TMCC1: variants seen among roughly 807,000 people sequenced by gnomAD.
TMCC1 encodes transmembrane and coiled-coil domains protein 1.
In TMCC1, 15 loss-of-function variants were observed where a neutral mutation model predicts 52.4. The ratio of observed to expected loss-of-function variants is 0.29; its 90% CI spans 0.19 to 0.44. The LOEUF (loss-of-function observed/expected upper bound fraction) is 0.44. Among genes scored for constraint, TMCC1 ranks in the 20% least tolerant of loss-of-function variants. The pLI is 1.00. For missense variants in TMCC1, 503 were observed against 806.0 expected, an observed-to-expected ratio of 0.62 and a Z score of 4.55; for synonymous variants, 279 against 301.9, an observed-to-expected ratio of 0.92 and a Z score of 0.79.
At chr3:129,674,121 G>A (rs1312350051) in intron 4 of TMCC1, among the ~76,000 whole-genome samples, 1 of 152,180 alleles carries the variant, frequency 6.6e-6, no homozygotes, top group Non-Finnish European at 1.5e-5. Context: ...AGCACACTCA[G>A]CGATGTTTGC....
At chr3:129,848,296 G>A (rs1454264878) in intron 2 of TMCC1, 1 of 152,140 alleles carries the variant, frequency 6.6e-6, no homozygotes, top group East Asian at 1.9e-4. Context: ...GGAGTTGCAT[G>A]GTTTTAGCTC....
intron 2 of TMCC1, among the ~76,000 whole-genome samples, chr3:129,854,489 A>T (rs190624283): frequency 9.9e-4 from 151 of 152,252 alleles, no homozygotes; most frequent in African/African-American, 3.4e-3. Flanking sequence ...GAAAAACGGC[A>T]AAAACTTCTT....
intron 4 of TMCC1, among the ~76,000 whole-genome samples, chr3:129,776,266 C>A (rs187247894): frequency 9.9e-4 from 151 of 152,310 alleles, no homozygotes; most frequent in African/African-American, 3.4e-3. Flanking sequence ...TCTTGTTTAT[C>A]TTTTTCACTG....
intron 5 of TMCC1, 31 bp from the exon 6 acceptor site, chr3:129,655,134 T>C: frequency 1.2e-6 from 2 of 1,602,274 alleles, no homozygotes; most frequent in Non-Finnish European, 1.7e-6. Context: ...TAGAATTTTA[T>C]GAATTCTGTG....
At chr3:129,661,725 C>A (rs1438556676) in intron 5 of TMCC1, among the ~76,000 whole-genome samples, 12 of 152,040 alleles carry the variant, frequency 7.9e-5, no homozygotes, top group Non-Finnish European at 1.5e-4. Context: ...ACTGCTTCAG[C>A]ATGGAAGGCA....
intron 2 of TMCC1, among the ~76,000 whole-genome samples, chr3:129,849,513 C>T (rs536152164): frequency 6.7e-6 from 1 of 148,762 alleles, no homozygotes; most frequent in Non-Finnish European, 1.5e-5. Flanking sequence ...GCCTGTAACC[C>T]CAGCACTTCG....
chr3:129,823,259 G>A (rs966478157), intron 4 of TMCC1, among the ~76,000 whole-genome samples: 1 of 152,108 alleles, frequency 6.6e-6, no homozygotes, highest in Non-Finnish European at 1.5e-5. Flanking sequence ...CCAGGAGGTG[G>A]AGGTTGAAGT....
intron 4 of TMCC1, among the ~76,000 whole-genome samples, chr3:129,703,861 C>G (rs1349944183): frequency 2.0e-5 from 3 of 152,164 alleles, no homozygotes. Context: ...TTGCTATTAA[C>G]TTGCCTTTCA....
intron 4 of TMCC1, among the ~76,000 whole-genome samples, chr3:129,697,282 A>G (rs2047482738): frequency 6.6e-6 from 1 of 152,166 alleles, no homozygotes; most frequent in Admixed American, 6.5e-5. Flanking sequence ...TCAACACCAC[A>G]TGGAAGCTAC....
At chr3:129,754,339 T>C (rs2052798381) in intron 4 of TMCC1, among the ~76,000 whole-genome samples, 1 of 152,210 alleles carries the variant, frequency 6.6e-6, no homozygotes, top group African/African-American at 2.4e-5. Flanking sequence ...ATCAAAATGC[T>C]AGCCAGGTCT....
At chr3:129,713,003 AGTAATCCCAGCACTTTGGGGTGCCAAG>A (rs2048816496) in intron 4 of TMCC1, among the ~76,000 whole-genome samples, 1 of 152,136 alleles carries the variant, frequency 6.6e-6, no homozygotes, top group African/African-American at 2.4e-5. Context: ...GGCTCACACC[AGTAATCCCAGCACTTTGGGGTGCCAAG>A]GCGGGAGGAT....
intron 2 of TMCC1, among the ~76,000 whole-genome samples, chr3:129,840,609 T>C (rs1383668380): frequency 1.3e-5 from 2 of 152,094 alleles, no homozygotes; most frequent in African/African-American, 4.8e-5. Context: ...AGGGACTTGG[T>C]GGGAGGCGAC....
chr3:129,687,203 C>T (rs2089470610), intron 4 of TMCC1, among the ~76,000 whole-genome samples: 1 of 152,094 alleles, frequency 6.6e-6, no homozygotes, highest in African/African-American at 2.4e-5. Context: ...TGTGGCCACT[C>T]TAAGCAGCTA....
At chr3:129,689,410 C>T (rs1228667259) in intron 4 of TMCC1, among the ~76,000 whole-genome samples, 1 of 152,118 alleles carries the variant, frequency 6.6e-6, no homozygotes, top group Admixed American at 6.5e-5. Flanking sequence ...GGGGAACACA[C>T]ATAGGAGGAA....
rs115015175 is a variant in TMCC1 at position 129,787,967 on chromosome 3, A to G, written c.576+39836T>C. Among the ~76,000 whole-genome samples the G allele has an allele frequency of 9.3e-3, 1,422 of 152,310 alleles. 11 individuals are homozygous for G. Among genetic ancestry groups the G allele is most frequent in the Middle Eastern group, 0.024 (7 of 294 alleles). Reference sequence around the variant, plus strand: ...CACATTTGAACTAGGGCTACTATTTAAGGAAGTGAATGTACCTGGTAAAGA... The same window carrying G: ...CACATTTGAACTAGGGCTACTATTTGAGGAAGTGAATGTACCTGGTAAAGA... On this transcript the variant is annotated intron_variant, in intron 4 of 6. Coordinates refer to ENST00000393238, the MANE Select transcript of TMCC1 (RefSeq NM_001017395.5).
chr3:129,686,114 T>C (rs1300551027), intron 4 of TMCC1, among the ~76,000 whole-genome samples: 1 of 152,230 alleles, frequency 6.6e-6, no homozygotes, highest in Non-Finnish European at 1.5e-5. Context: ...TCATTTAAGC[T>C]GAAGAAATTA....
intron 4 of TMCC1, among the ~76,000 whole-genome samples, chr3:129,825,876 C>T (rs995884080): frequency 2.6e-5 from 4 of 152,136 alleles, no homozygotes; most frequent in African/African-American, 9.7e-5. Context: ...TAAAACTACA[C>T]ATTTTTCAAA....
intron 1 of TMCC1, among the ~76,000 whole-genome samples, chr3:129,886,298 A>G (rs1156279326): frequency 3.3e-5 from 5 of 152,236 alleles, no homozygotes; most frequent in Non-Finnish European, 5.9e-5. Context: ...AAGGAATACC[A>G]TATTCCAGGA....
intron 2 of TMCC1, among the ~76,000 whole-genome samples, chr3:129,841,879 A>T (rs2059437031): frequency 6.6e-6 from 1 of 152,170 alleles, no homozygotes; most frequent in African/African-American, 2.4e-5. Flanking sequence ...CATGATTATA[A>T]GTTTCCTGAG....
Sources: allele counts gnomAD v4.1 joint callset (sites outside exome capture counted in the v4.1 genomes callset), GRCh38; gene constraint gnomAD v4.1.1; transcripts MANE v1.5; gene names NCBI Gene and HGNC (gene_info 2026-07-23, HGNC 2026-07-21).